The following PLEKHF2 variants were observed in gnomAD, a reference collection of about 807,000 sequenced individuals.
PLEKHF2 encodes the protein pleckstrin homology domain-containing family F member 2.
In PLEKHF2, 4 loss-of-function variants were observed where a neutral mutation model predicts 14.7. That is an observed-to-expected ratio of 0.27 (90% confidence interval 0.13 to 0.62). PLEKHF2 has a LOEUF of 0.62. PLEKHF2 is among the 20% of genes least tolerant of loss of function. The pLI, the probability that PLEKHF2 is intolerant of heterozygous loss-of-function variation, is 0.85. For missense variants in PLEKHF2, 201 were observed against 307.7 expected (o/e 0.65, Z 2.60); for synonymous variants, 90 against 103.5 (o/e 0.87, Z 0.79).
chr8:95,148,067 A>G (rs1460093497), intron 1 of PLEKHF2, among the ~76,000 whole-genome samples: 2 of 151,942 alleles, frequency 1.3e-5, no homozygotes, highest in Non-Finnish European at 2.9e-5. Flanking sequence ...CAAAAAATGG[A>G]AATAATACAC....
chr8:95,138,913 G>A (rs1810408649), intron 1 of PLEKHF2, among the ~76,000 whole-genome samples: 1 of 152,106 alleles, frequency 6.6e-6, no homozygotes, highest in Non-Finnish European at 1.5e-5. Flanking sequence ...ATTTTTGTAT[G>A]TATTATTGGA....
intron 1 of PLEKHF2, among the ~76,000 whole-genome samples, chr8:95,145,317 G>A (rs1057054676): frequency 6.6e-6 from 1 of 152,114 alleles, no homozygotes; most frequent in Admixed American, 6.5e-5. Flanking sequence ...CTGTGTAATC[G>A]GTTGGCCACA....
intron 1 of PLEKHF2, among the ~76,000 whole-genome samples, chr8:95,136,267 T>G (rs1389719423): frequency 1.3e-5 from 2 of 151,966 alleles, no homozygotes; most frequent in African/African-American, 4.8e-5. Context: ...TAAATCTTCT[T>G]TGTAGTCTTT....
intron 1 of PLEKHF2, among the ~76,000 whole-genome samples, chr8:95,139,354 C>T (rs1810415005): frequency 6.6e-6 from 1 of 152,012 alleles, no homozygotes; most frequent in African/African-American, 2.4e-5. Flanking sequence ...ACAAAATACA[C>T]AAAAATTAGT....
Position 95,133,948 on chromosome 8 carries a change from A to G in PLEKHF2, c.-97A>G, listed in dbSNP as rs1181003043. 1 of 152,016 alleles carries G rather than the reference A, an allele frequency of 6.6e-6. No homozygotes were observed. Among genetic ancestry groups the G allele is most frequent in the African/African-American group, 2.4e-5 (1 of 41,304 alleles). The allele number at this position is 152,016 out of a possible 1,614,324, so 9.4% of individuals were successfully genotyped here. A position where few individuals can be genotyped will look rare whatever the true frequency, so the allele number is the denominator to read the frequency against. On this transcript the variant is annotated 5_prime_UTR_variant, in exon 1 of 2. Transcript: ENST00000315367. ...TGGAAGGCCCCGGCGGGGAACGGGC[A>G]GAGTCCGCGCCCTGCGTCCGCGACC...
intron 1 of PLEKHF2, among the ~76,000 whole-genome samples, chr8:95,136,265 C>G (rs1810374779): frequency 6.6e-6 from 1 of 151,516 alleles, no homozygotes; most frequent in Admixed American, 6.6e-5. Flanking sequence ...GTTAAATCTT[C>G]TTTGTAGTCT....
At chr8:95,147,594 C>T (rs1278346127) in intron 1 of PLEKHF2, among the ~76,000 whole-genome samples, 1 of 151,918 alleles carries the variant, frequency 6.6e-6, no homozygotes, top group Non-Finnish European at 1.5e-5. Flanking sequence ...TTTCCTATAT[C>T]TTGAAGCATT....
intron 1 of PLEKHF2, among the ~76,000 whole-genome samples, chr8:95,136,431 G>A (rs974747972): frequency 6.6e-6 from 1 of 152,102 alleles, no homozygotes; most frequent in South Asian, 2.1e-4. Context: ...ATTTTCGCCT[G>A]GGGGTACAGA....
intron 1 of PLEKHF2, among the ~76,000 whole-genome samples, chr8:95,148,825 GATAAA>G (rs2132109606): frequency 6.6e-6 from 1 of 152,176 alleles, no homozygotes; most frequent in South Asian, 2.1e-4. Context: ...ATTTTAGGTG[GATAAA>G]ATAATTAAAT....
At chr8:95,150,828 C>T (rs1365978426) in intron 1 of PLEKHF2, among the ~76,000 whole-genome samples, 1 of 152,106 alleles carries the variant, frequency 6.6e-6, no homozygotes, top group East Asian at 1.9e-4. Flanking sequence ...TTCTTAGGAA[C>T]AATTAGTGTA....
At chr8:95,134,957 C>T (rs1482622834) in intron 1 of PLEKHF2, among the ~76,000 whole-genome samples, 2 of 152,018 alleles carry the variant, frequency 1.3e-5, no homozygotes, top group Non-Finnish European at 2.9e-5. Context: ...AGTTTTTTTC[C>T]CCTCCCTTTA....
intron 1 of PLEKHF2, among the ~76,000 whole-genome samples, chr8:95,153,008 T>G (rs1294016289): frequency 1.3e-5 from 2 of 152,150 alleles, no homozygotes; most frequent in Non-Finnish European, 2.9e-5. Context: ...ATGTTTAGAT[T>G]AATAGGGTGT....
Position 95,154,211 on chromosome 8 carries a change from T to C in PLEKHF2, c.167T>C (p.Phe56Ser). The C allele has an allele frequency of 6.2e-7, 1 of 1,614,040 alleles. No individual in the cohort carries two copies. The highest frequency in any genetic ancestry group is 8.5e-7 in the Non-Finnish European group (1 of 1,179,966). ...CRKKPKARQFFLFNDILVYGN... is the reference protein window; with the variant it reads ...CRKKPKARQFSLFNDILVYGN... ...AAAAAGCCCAAAGCAAGGCAGTTTT[T>C]CTTGTTTAATGATATTCTTGTATAT... is the stretch of plus-strand genomic sequence containing the variant. The change falls in exon 2 of 2, where the codon TTC becomes TCC. Residue 56 changes from phenylalanine (F) to serine (S), a missense_variant. Transcript: ENST00000315367. The surrounding 1 kb of genome is among the most constrained non-coding windows in gnomAD (Gnocchi z 5.6).
intron 1 of PLEKHF2, among the ~76,000 whole-genome samples, chr8:95,140,661 T>C (rs1299868572): frequency 6.6e-6 from 1 of 152,170 alleles, no homozygotes; most frequent in African/African-American, 2.4e-5. Context: ...CCCCAGATAG[T>C]TTGAGCTACT....
intron 1 of PLEKHF2, among the ~76,000 whole-genome samples, chr8:95,138,359 C>CA (rs1554695922): frequency 1.2e-5 from 1 of 80,188 alleles, no homozygotes; most frequent in African/African-American, 5.0e-5. Context: ...ATCTTCCCCC[C>CA]CCCCCCGCCC....
intron 1 of PLEKHF2, among the ~76,000 whole-genome samples, chr8:95,148,583 A>G (rs551534344): frequency 6.8e-4 from 103 of 152,086 alleles, no homozygotes; most frequent in African/African-American, 2.2e-3. Flanking sequence ...ATCAATCAGT[A>G]GATTAGATTA....
At chr8:95,135,185 G>C (rs1388984093) in intron 1 of PLEKHF2, among the ~76,000 whole-genome samples, 1 of 152,126 alleles carries the variant, frequency 6.6e-6, no homozygotes. Flanking sequence ...CTAAGCTTCA[G>C]AAGAAAATAT....
At chr8:95,153,216 T>C (rs965121637) in intron 1 of PLEKHF2, among the ~76,000 whole-genome samples, 3 of 152,066 alleles carry the variant, frequency 2.0e-5, no homozygotes, top group African/African-American at 7.2e-5. Flanking sequence ...AGGGTTTTAG[T>C]CTAGCATGGG....
chr8:95,139,280 G>T (rs1437457305), intron 1 of PLEKHF2, among the ~76,000 whole-genome samples: 10 of 152,186 alleles, frequency 6.6e-5, no homozygotes, highest in Admixed American at 6.5e-4. Context: ...AAGATGGGCA[G>T]GTCAGATTGC....
Sources: allele counts gnomAD v4.1 joint callset (sites outside exome capture counted in the v4.1 genomes callset), GRCh38; gene constraint gnomAD v4.1.1; non-coding constraint Gnocchi (gnomAD v3.1); transcripts MANE v1.5; gene names NCBI Gene and HGNC (gene_info 2026-07-23, HGNC 2026-07-21).